Variants in DNAH17 observed in about 807,000 individuals in gnomAD.
DNAH17 encodes the protein dynein axonemal heavy chain 17.
In DNAH17, 376 loss-of-function variants were observed where a neutral mutation model predicts 485.6. That is an observed-to-expected ratio of 0.77 (90% CI 0.71 to 0.84). The LOEUF is 0.84. Among genes scored for constraint, DNAH17 ranks in the 40% least tolerant of loss-of-function variants. The pLI is 0.00. For missense variants in DNAH17, 6,370 were observed against 5,839.3 expected (o/e 1.09, Z -2.96); for synonymous variants, 3,031 against 2,405.9 (o/e 1.26, Z -7.60).
chr17:78,508,356 C>A (rs1403738651), intron 27 of DNAH17, among the ~76,000 whole-genome samples: 2 of 152,154 alleles, frequency 1.3e-5, no homozygotes, highest in African/African-American at 4.8e-5. Flanking sequence ...CTGCTCAGAC[C>A]CTTTTAGAAC....
chr17:78,444,833 C>A (rs1015810853), intron 70 of DNAH17, 36 bp from the exon 71 acceptor site: 25 of 1,530,946 alleles, frequency 1.6e-5, no homozygotes, highest in Non-Finnish European at 1.9e-5. Context: ...TGACTCTTCC[C>A]ACTTACCCGG....
chr17:78,463,421 C>T (rs144240546), intron 56 of DNAH17, among the ~76,000 whole-genome samples: 5 of 150,064 alleles, frequency 3.3e-5, no homozygotes, highest in African/African-American at 1.3e-4. Flanking sequence ...CACATACCTG[C>T]ATATATACAC....
Position 78,466,816 on chromosome 17 carries a change from C to T in DNAH17, c.8779G>A (p.Val2927Met), listed in dbSNP as rs778020715. ...CCCACAGGGGAGAAACACAGGATCACCTGGGTGTGGGAGACACAGATGCGC... is the reference window on the plus strand; with the variant it reads ...CCCACAGGGGAGAAACACAGGATCATCTGGGTGTGGGAGACACAGATGCGC... ...FIEKVRRQLK[V>M]ILCFSPVGSV... The change falls in exon 56 of 81, where the codon GTG (valine) becomes ATG (methionine). Residue 2927 changes from valine to methionine, a missense_variant and splice_region_variant. Transcript: ENST00000389840. The T allele has an allele frequency of 2.5e-6, 4 of 1,581,118 alleles. No homozygotes were observed. The African/African-American group carries it at 5.4e-5, about 21-fold the overall frequency.
intron 48 of DNAH17, among the ~76,000 whole-genome samples, chr17:78,483,251 G>C (rs1173906706): frequency 2.0e-5 from 3 of 152,218 alleles, no homozygotes; most frequent in Non-Finnish European, 4.4e-5. Flanking sequence ...CTGCAGCCCA[G>C]AGTAGGCTTC....
chr17:78,480,013 CTTTTT>C (rs370344478), intron 49 of DNAH17, among the ~76,000 whole-genome samples: 1 of 70,540 alleles, frequency 1.4e-5, no homozygotes, highest in Admixed American at 1.9e-4. Flanking sequence ...ACAACAAGTA[CTTTTT>C]TTTTTTTTTT....
At chr17:78,536,992 G>A (rs113815939) in intron 19 of DNAH17, among the ~76,000 whole-genome samples, 31,311 of 151,664 alleles carry the variant, frequency 0.21, 3,980 homozygotes, top group Non-Finnish European at 0.27. Flanking sequence ...TGGCTAACAC[G>A]GTTAAACCCA....
Position 78,557,981 on chromosome 17 carries a change from G to T in DNAH17, c.2178+127C>A. The T allele has an allele frequency of 9.2e-6, 11 of 1,193,742 alleles. No individual in the cohort carries two copies. In the South Asian group the frequency reaches 1.6e-4, roughly 17 times the overall value. 73.9% of individuals were successfully genotyped at this position (1,193,742 alleles called of 1,614,324 possible). A position where few individuals can be genotyped will look rare whatever the true frequency, so the allele number is the denominator to read the frequency against. ...CTCAGTAAGTATGCAGTGAATGGAAGAATGAATTTGAGTGAATGGGAAGAT... is the reference window on the plus strand; with the variant it reads ...CTCAGTAAGTATGCAGTGAATGGAATAATGAATTTGAGTGAATGGGAAGAT... On this transcript the variant is annotated intron_variant, in intron 14 of 80. Coordinates refer to ENST00000389840, the MANE Select transcript of DNAH17 (RefSeq NM_173628.4).
In DNAH17 at chr17:78,539,900, G is replaced by A. The variant is rs778712767; in HGVS notation, c.2533-20C>T. ...GTTTTCCTGCAAACAGAAGCGCACA[G>A]TTGGGCCTCACTTCACTGGCTGTGC... is the stretch of plus-strand genomic sequence containing the variant. On this transcript the variant is annotated intron_variant, in intron 17 of 80. Transcript: ENST00000389840. 14 of 1,548,058 alleles carry A rather than the reference G, an allele frequency of 9.0e-6. No homozygotes were observed. Among genetic ancestry groups the A allele is most frequent in the Non-Finnish European group, 1.1e-5 (13 of 1,148,702 alleles).
At chr17:78,562,970 G>T (rs1186692987) in intron 11 of DNAH17, among the ~76,000 whole-genome samples, 2 of 152,198 alleles carry the variant, frequency 1.3e-5, no homozygotes, top group African/African-American at 2.4e-5. Context: ...GCCCAATGGG[G>T]GCCAGACCAG....
intron 65 of DNAH17, among the ~76,000 whole-genome samples, chr17:78,452,939 G>A (rs1334761069): frequency 1.3e-5 from 2 of 150,620 alleles, no homozygotes; most frequent in African/African-American, 4.9e-5. Flanking sequence ...ATGTGCAACT[G>A]GACAGATGTG....
intron 44 of DNAH17, among the ~76,000 whole-genome samples, chr17:78,490,311 T>A (rs2089792460): frequency 6.6e-6 from 1 of 152,170 alleles, no homozygotes; most frequent in Non-Finnish European, 1.5e-5. Flanking sequence ...CACCATGCCC[T>A]GTGAACGCGG....
At chr17:78,471,190 C>CT (rs1217462397) in intron 54 of DNAH17, among the ~76,000 whole-genome samples, 1 of 152,244 alleles carries the variant, frequency 6.6e-6, no homozygotes, top group African/African-American at 2.4e-5. Context: ...GCAAGTCCGA[C>CT]TCCCTGAAAT....
At chr17:78,426,190 C>T (rs932844641) in intron 79 of DNAH17, among the ~76,000 whole-genome samples, 1 of 152,322 alleles carries the variant, frequency 6.6e-6, no homozygotes, top group African/African-American at 2.4e-5. Flanking sequence ...TTATAGAGGA[C>T]GGCTTACCCT....
At chr17:78,554,269 G>C (rs1173273393) in intron 14 of DNAH17, among the ~76,000 whole-genome samples, 2 of 151,694 alleles carry the variant, frequency 1.3e-5, no homozygotes, top group Non-Finnish European at 2.9e-5. Context: ...GTGAAATCTT[G>C]TCTCTACTAA....
At position 78,555,408 on chromosome 17, in the gene DNAH17, G is replaced by T. The variant is rs1024383319; in HGVS notation, c.2179-2603C>A. On this transcript the variant is annotated intron_variant, in intron 14 of 80. Coordinates refer to ENST00000389840, the MANE Select transcript of DNAH17 (RefSeq NM_173628.4). The stretch of plus-strand genomic sequence containing the variant: ...TGGAGTCCAAGGCGGGAGCTCTTTA[G>T]ACAGAATCTAACCAGCTGGAGAAAG... Among the ~76,000 whole-genome samples the T allele has an allele frequency of 2.0e-5, 3 of 152,046 alleles. No individual in the cohort carries two copies. In the East Asian group the frequency reaches 5.8e-4, roughly 29 times the overall value.
At position 78,566,988 on chromosome 17, in the gene DNAH17, C is replaced by T. The variant is rs748563327; in HGVS notation, c.1452+11G>A. The T allele has an allele frequency of 6.2e-6, 10 of 1,604,578 alleles. No individual in the cohort carries two copies. Among genetic ancestry groups the T allele is most frequent in the Non-Finnish European group, 8.5e-6 (10 of 1,174,626 alleles). ...CGAGTCCAGTTCATCCAACCCTGCC[C>T]GAGGACCTACCGAGTCTCCAGGGTC... On this transcript the variant is annotated intron_variant, in intron 10 of 80. Transcript: ENST00000389840.
chr17:78,457,874 T>A (rs973660156), intron 62 of DNAH17, among the ~76,000 whole-genome samples: 11 of 152,300 alleles, frequency 7.2e-5, no homozygotes, highest in African/African-American at 2.6e-4. Context: ...TTGGCCAGGC[T>A]GCTCTCGAAC....
chr17:78,502,711 ACCC>A lies in DNAH17; in HGVS notation c.5083-16_5083-14del, dbSNP rs557164854. On this transcript the variant is annotated splice_polypyrimidine_tract_variant and intron_variant, in intron 32 of 80. Transcript: ENST00000389840. Reference sequence around the variant, plus strand: ...AAGTCAGGGCCACCTGAAAGTACATACCCCCCATTGCCCACGCAGTGAGCGATC... The same window carrying A: ...AAGTCAGGGCCACCTGAAAGTACATACCCATTGCCCACGCAGTGAGCGATC... The A allele has an allele frequency of 6.8e-6, 11 of 1,609,366 alleles. No homozygotes were observed. The highest frequency in any genetic ancestry group is 1.1e-5 in the South Asian group (1 of 90,812).
At chr17:78,545,130 G>A (rs1253889964) in intron 16 of DNAH17, among the ~76,000 whole-genome samples, 6 of 152,084 alleles carry the variant, frequency 3.9e-5, no homozygotes, top group Admixed American at 2.6e-4. Flanking sequence ...TGGGGTGAAC[G>A]ATGAAGACTT....
Sources: allele counts gnomAD v4.1 joint callset (sites outside exome capture counted in the v4.1 genomes callset), GRCh38; gene constraint gnomAD v4.1.1; transcripts MANE v1.5; gene names NCBI Gene and HGNC (gene_info 2026-07-23, HGNC 2026-07-21).